Variants in SLC31A1 observed in about 807,000 individuals in gnomAD.
SLC31A1 encodes the protein high affinity copper uptake protein 1.
SLC31A1 carries 5 observed loss-of-function variants against 17.2 expected under a neutral mutation model. The observed-to-expected ratio is 0.29, with a 90% CI of 0.15 to 0.61. SLC31A1 has a LOEUF of 0.61. SLC31A1 is among the 20% of genes least tolerant of loss of function. The pLI is 0.86. For synonymous variants in SLC31A1, 76 were observed against 78.8 expected (o/e 0.96, Z 0.19); for missense variants, 161 against 241.4 (o/e 0.67, Z 2.21).
chr9:113,239,468 C>T (rs934997774), intron 1 of SLC31A1, among the ~76,000 whole-genome samples: 5 of 152,092 alleles, frequency 3.3e-5, no homozygotes, highest in African/African-American at 7.2e-5. Context: ...AGATTTTTTT[C>T]CTTCTGTAAA....
At chr9:113,235,641 C>T (rs1018142329) in intron 1 of SLC31A1, among the ~76,000 whole-genome samples, 4 of 152,122 alleles carry the variant, frequency 2.6e-5, no homozygotes, top group Admixed American at 6.5e-5. Flanking sequence ...AAGATCCCCC[C>T]GGAGAGGAGG....
chr9:113,256,418 A>G, intron 2 of SLC31A1, 141 bp downstream of exon 2: 1 of 911,058 alleles, frequency 1.1e-6, no homozygotes, highest in Non-Finnish European at 1.6e-6. Context: ...CAAGCAAGTC[A>G]AGTCATTTGC....
intron 4 of SLC31A1, among the ~76,000 whole-genome samples, chr9:113,260,008 A>G (rs181491948): frequency 6.6e-6 from 1 of 152,208 alleles, no homozygotes; most frequent in African/African-American, 2.4e-5. Context: ...GTAAGTCGGG[A>G]TTACTCCTCG....
intron 1 of SLC31A1, among the ~76,000 whole-genome samples, chr9:113,252,487 G>A (rs536279730): frequency 1.2e-4 from 18 of 152,194 alleles, no homozygotes; most frequent in Admixed American, 1.2e-3. Flanking sequence ...GTAGAGACGG[G>A]GTTTTTAGTC....
chr9:113,225,849 C>G (rs555401608), intron 1 of SLC31A1, among the ~76,000 whole-genome samples: 1 of 152,198 alleles, frequency 6.6e-6, no homozygotes, highest in African/African-American at 2.4e-5. Flanking sequence ...ATAATAATCA[C>G]TAGAAAAGCA....
intron 1 of SLC31A1, among the ~76,000 whole-genome samples, chr9:113,234,659 A>G (rs1831436800): frequency 6.6e-6 from 1 of 151,328 alleles, no homozygotes. Context: ...TTGAGGCCCT[A>G]CTCCCTAAGA....
chr9:113,246,093 CA>C, intron 1 of SLC31A1, among the ~76,000 whole-genome samples: 1 of 152,156 alleles, frequency 6.6e-6, no homozygotes, highest in East Asian at 1.9e-4. Flanking sequence ...CCCTGTCACC[CA>C]CGCTGGAGTG....
intron 1 of SLC31A1, among the ~76,000 whole-genome samples, chr9:113,232,495 G>C (rs769465304): frequency 1.3e-5 from 2 of 151,916 alleles, no homozygotes; most frequent in Non-Finnish European, 2.9e-5. Context: ...AAATTTAAAT[G>C]GGTTAGATTC....
At chr9:113,224,146 A>G (rs780960782) in intron 1 of SLC31A1, among the ~76,000 whole-genome samples, 4 of 152,164 alleles carry the variant, frequency 2.6e-5, no homozygotes, top group Admixed American at 2.0e-4. Flanking sequence ...TGTATTGTCT[A>G]TGACTCCTCT....
intron 1 of SLC31A1, among the ~76,000 whole-genome samples, chr9:113,239,947 CA>C (rs1831503744): frequency 6.6e-6 from 1 of 152,218 alleles, no homozygotes; most frequent in Non-Finnish European, 1.5e-5. Flanking sequence ...TCCGCTCACT[CA>C]GTATGTTCTG....
intron 2 of SLC31A1, 88 bp from the exon 3 acceptor site, chr9:113,257,025 A>G: frequency 2.8e-6 from 3 of 1,073,522 alleles, no homozygotes; most frequent in South Asian, 1.3e-5. Flanking sequence ...CAGATCTTCT[A>G]CTTTTAAATG....
At chr9:113,241,068 AATT>A (rs1447988704) in intron 1 of SLC31A1, among the ~76,000 whole-genome samples, 5 of 151,636 alleles carry the variant, frequency 3.3e-5, no homozygotes, top group Admixed American at 3.3e-4. Flanking sequence ...AAAAAAAAAA[AATT>A]ATTGAGGAAA....
In SLC31A1 at chr9:113,228,149, A is replaced by G. The variant is rs190250220; in HGVS notation, c.-36+6471A>G. On this transcript the variant is annotated intron_variant, in intron 1 of 4. Transcript: ENST00000374212. ...AATGTCACATGGCTAGTATATGGCAAATGTGGGTCCAGAGCTCAGAGCCTT... is the reference window on the plus strand; with the variant it reads ...AATGTCACATGGCTAGTATATGGCAGATGTGGGTCCAGAGCTCAGAGCCTT... Among the ~76,000 whole-genome samples, 35 of 152,360 alleles carry G rather than the reference A, an allele frequency of 2.3e-4. No homozygotes were observed. The South Asian group carries it at 2.5e-3, about 11-fold the overall frequency.
chr9:113,256,332 A>T (rs1831728412), intron 2 of SLC31A1, 55 bp downstream of exon 2: 2 of 1,598,320 alleles, frequency 1.3e-6, no homozygotes, highest in South Asian at 2.2e-5. Context: ...TGGGTAATAG[A>T]AATAATGGAA....
intron 1 of SLC31A1, among the ~76,000 whole-genome samples, chr9:113,231,933 A>AAGT (rs765306477): frequency 2.8e-4 from 42 of 152,232 alleles, no homozygotes; most frequent in Non-Finnish European, 5.6e-4. Context: ...AACTCCTGTA[A>AAGT]AGTTACAGAT....
intron 1 of SLC31A1, among the ~76,000 whole-genome samples, chr9:113,237,797 G>A (rs1831478235): frequency 1.3e-5 from 2 of 152,162 alleles, no homozygotes; most frequent in African/African-American, 2.4e-5. Context: ...CAGAAAAAGC[G>A]TGCATGAAAG....
At chr9:113,243,980 C>G (rs2119000951) in intron 1 of SLC31A1, among the ~76,000 whole-genome samples, 1 of 151,924 alleles carries the variant, frequency 6.6e-6, no homozygotes, top group Non-Finnish European at 1.5e-5. Context: ...ATGGTGAAAC[C>G]TCGTCTCTAC....
chr9:113,223,369 G>T, intron 1 of SLC31A1: 1 of 360,000 alleles, frequency 2.8e-6, no homozygotes, highest in Non-Finnish European at 5.4e-6. Flanking sequence ...CTAAATTCGT[G>T]TATCTTCAGA....
chr9:113,228,848 C>A (rs1048382188), intron 1 of SLC31A1, among the ~76,000 whole-genome samples: 1 of 150,108 alleles, frequency 6.7e-6, no homozygotes, highest in Non-Finnish European at 1.5e-5. Context: ...TTTGATGATA[C>A]TTTTTTTTTT....
Sources: gnomAD v4.1 joint callset for allele counts (sites outside exome capture counted in the v4.1 genomes callset) on GRCh38, gnomAD v4.1.1 for gene constraint, MANE v1.5 for transcripts, NCBI Gene and HGNC (gene_info 2026-07-23, HGNC 2026-07-21) for gene names.